Variants in ADAM9 observed in about 807,000 individuals in gnomAD.
ADAM9 encodes disintegrin and metalloproteinase domain-containing protein 9.
In ADAM9, 54 loss-of-function variants were observed where a neutral mutation model predicts 108.1. The observed-to-expected ratio is 0.50, with a 90% CI of 0.40 to 0.63. The LOEUF (loss-of-function observed/expected upper bound fraction) is 0.63. Among genes scored for constraint, ADAM9 ranks in the 20% least tolerant of loss-of-function variants. The pLI, the probability that ADAM9 is intolerant of heterozygous loss-of-function variation, is 0.00. For missense variants in ADAM9, 830 were observed against 997.7 expected, an observed-to-expected ratio of 0.83 and a Z score of 2.26; for synonymous variants, 316 against 336.0, an observed-to-expected ratio of 0.94 and a Z score of 0.65.
chr8:39,100,822 A>G (rs544554434), intron 20 of ADAM9, among the ~76,000 whole-genome samples: 2 of 152,348 alleles, frequency 1.3e-5, no homozygotes, highest in African/African-American at 4.8e-5. Context: ...AGGTCACTTC[A>G]TCATTGATTT....
At chr8:39,071,569 T>C (rs6474522) in intron 15 of ADAM9, among the ~76,000 whole-genome samples, 166 bp downstream of exon 15, 120,193 of 151,138 alleles carry the variant, frequency 0.8, 47,970 homozygotes, top group East Asian at 0.94. Flanking sequence ...CAGGTTCAAG[T>C]GATTCCCCTG....
intron 2 of ADAM9, 22 bp downstream of exon 2, chr8:39,008,005 A>G (rs1160613800): frequency 9.2e-6 from 14 of 1,528,596 alleles, no homozygotes; most frequent in Admixed American, 3.3e-5. Context: ...TTGTTGAGAA[A>G]TAATATGTGG....
intron 12 of ADAM9, among the ~76,000 whole-genome samples, chr8:39,053,903 A>G (rs777710240): frequency 6.6e-6 from 1 of 152,162 alleles, no homozygotes; most frequent in Non-Finnish European, 1.5e-5. Flanking sequence ...CCCAAAACTC[A>G]TGTGTTGGAG....
At chr8:38,999,625 C>G (rs1404572232) in intron 1 of ADAM9, among the ~76,000 whole-genome samples, 4 of 152,038 alleles carry the variant, frequency 2.6e-5, no homozygotes, top group Admixed American at 2.6e-4. Flanking sequence ...AGAATGTAGC[C>G]TTTTACATTT....
At chr8:39,060,018 C>CATGATGGGGCA (rs1175321344) in intron 14 of ADAM9, among the ~76,000 whole-genome samples, 1 of 152,224 alleles carries the variant, frequency 6.6e-6, no homozygotes, top group Non-Finnish European at 1.5e-5. Flanking sequence ...TGATGGGGTG[C>CATGATGGGGCA]TGCTGCATAT....
chr8:39,025,148 C>T (rs117636109), intron 9 of ADAM9, among the ~76,000 whole-genome samples: 185 of 152,020 alleles, frequency 1.2e-3, no homozygotes, highest in East Asian at 8.9e-3. Context: ...TGGAGTGCAG[C>T]GGTGCAGTCT....
chr8:39,075,126 C>CAA (rs1838814288), intron 15 of ADAM9, among the ~76,000 whole-genome samples: 1 of 151,992 alleles, frequency 6.6e-6, no homozygotes. Context: ...AGGCTGGTCT[C>CAA]AAATTCCTGA....
intron 10 of ADAM9, among the ~76,000 whole-genome samples, chr8:39,026,140 G>T (rs751482662): frequency 6.6e-6 from 1 of 152,114 alleles, no homozygotes. Context: ...AGAATGTCCA[G>T]GTTTGTTACA....
At chr8:39,014,823 T>TGTTTA (rs1836474546) in intron 4 of ADAM9, 1 of 239,990 alleles carries the variant, frequency 4.2e-6, no homozygotes, top group Non-Finnish European at 6.8e-6. Context: ...GGCAAAAAAA[T>TGTTTA]CTTTAGATTA....
chr8:39,013,881 C>T, intron 3 of ADAM9, 84 bp from the exon 4 acceptor site: 2 of 1,050,062 alleles, frequency 1.9e-6, no homozygotes, highest in Non-Finnish European at 3.0e-6. Context: ...CTGCTTGTCT[C>T]CTCTAGGAAT....
chr8:39,029,471 T>G (rs1837032618), intron 11 of ADAM9, among the ~76,000 whole-genome samples: 1 of 152,228 alleles, frequency 6.6e-6, no homozygotes, highest in Non-Finnish European at 1.5e-5. Context: ...TTGTCCAGCT[T>G]AGTGGGAAAG....
chr8:39,083,982 C>G (rs1317831895), intron 18 of ADAM9, among the ~76,000 whole-genome samples: 6 of 152,172 alleles, frequency 3.9e-5, no homozygotes, highest in Admixed American at 2.6e-4. Flanking sequence ...CCCACATCCT[C>G]TCTAACAGTT....
At chr8:38,999,653 C>T (rs1564209517) in intron 1 of ADAM9, among the ~76,000 whole-genome samples, 1 of 152,134 alleles carries the variant, frequency 6.6e-6, no homozygotes, top group Admixed American at 6.5e-5. Context: ...ATTTGGTTTT[C>T]AACCTTTTAA....
At chr8:39,004,221 A>AT (rs1012499610) in intron 1 of ADAM9, among the ~76,000 whole-genome samples, 372 of 144,836 alleles carry the variant, frequency 2.6e-3, no homozygotes, top group East Asian at 8.2e-3. Context: ...TGTATTCTTT[A>AT]TTTTTTTTTT....
At chr8:39,005,540 C>T (rs1282428888) in intron 1 of ADAM9, among the ~76,000 whole-genome samples, 1 of 152,178 alleles carries the variant, frequency 6.6e-6, no homozygotes, top group East Asian at 1.9e-4. Context: ...CCAATATATG[C>T]CCAGAATTAG....
intron 12 of ADAM9, among the ~76,000 whole-genome samples, chr8:39,045,060 GCATA>G (rs1458621562): frequency 3.9e-5 from 1 of 25,432 alleles, no homozygotes; most frequent in Non-Finnish European, 6.7e-5. Flanking sequence ...ATGTGTGTGT[GCATA>G]CATACATATG....
chr8:39,083,980 C>T (rs1193511736), intron 18 of ADAM9, among the ~76,000 whole-genome samples: 1 of 152,290 alleles, frequency 6.6e-6, no homozygotes, highest in East Asian at 1.9e-4. Context: ...TCCCCACATC[C>T]TCTCTAACAG....
chr8:39,003,541 CAGGAAAAA>C, intron 1 of ADAM9, among the ~76,000 whole-genome samples: 1 of 139,844 alleles, frequency 7.2e-6, no homozygotes, highest in East Asian at 2.1e-4. Flanking sequence ...AGGATATGAA[CAGGAAAAA>C]AGAAAAAAAC....
At position 39,090,064 on chromosome 8, in the gene ADAM9, A is replaced by G; in HGVS notation, c.2086A>G (p.Arg696Gly). 1 of 1,613,926 alleles carries G rather than the reference A, an allele frequency of 6.2e-7. No homozygotes were observed. Among genetic ancestry groups the G allele is most frequent in the Non-Finnish European group, 8.5e-7 (1 of 1,179,940 alleles). The part of the protein sequence containing the change: ...PTYNEMNTAL[R>G]DGLLVFFFLI... ...CTCTCTAGAAATGAATACTGCATTG[A>G]GGGACGGACTTCTGGTCTTCTTCTT... The change falls in exon 19 of 22, where the codon AGG becomes GGG. Residue 696 changes from arginine (R) to glycine (G), a missense_variant. Transcript: ENST00000487273.
Sources: allele counts gnomAD v4.1 joint callset (sites outside exome capture counted in the v4.1 genomes callset), GRCh38; gene constraint gnomAD v4.1.1; transcripts MANE v1.5; gene names NCBI Gene and HGNC (gene_info 2026-07-23, HGNC 2026-07-21).